SHC4: variants seen among roughly 807,000 people sequenced by gnomAD.
SHC4 encodes SHC-transforming protein 4.
In SHC4, 41 loss-of-function variants were observed where a neutral mutation model predicts 69.4. That is an observed-to-expected ratio of 0.59 (90% CI 0.46 to 0.77). SHC4 has a LOEUF of 0.77. SHC4 is among the 30% of genes least tolerant of loss of function. The probability of loss-of-function intolerance (pLI) is 0.00; values close to 1 mark genes in which losing one functional copy is unlikely to be tolerated. For missense variants in SHC4, 777 were observed against 783.8 expected, an observed-to-expected ratio of 0.99 and a Z score of 0.10; for synonymous variants, 318 against 299.3, an observed-to-expected ratio of 1.06 and a Z score of -0.64.
intron 2 of SHC4, among the ~76,000 whole-genome samples, chr15:48,906,889 A>G (rs1900414537): frequency 6.6e-6 from 1 of 152,228 alleles, no homozygotes; most frequent in Non-Finnish European, 1.5e-5. Context: ...TAAGGCTCAA[A>G]TCAAAGCAAT....
intron 11 of SHC4, among the ~76,000 whole-genome samples, chr15:48,826,922 G>C (rs1184928722): frequency 6.6e-6 from 1 of 152,174 alleles, no homozygotes; most frequent in Non-Finnish European, 1.5e-5. Context: ...CATAGTAGCT[G>C]ATTCACAGAT....
rs143049482 is a variant in SHC4 at position 48,828,222 on chromosome 15, C to T, written c.1738-2096G>A. On this transcript the variant is annotated intron_variant, in intron 11 of 11. Transcript: ENST00000332408. ...CAGTATTGTTAACTGTTAAGTACAA[C>T]GTTATACAGCAGATCTCTGGAACTT... Among the ~76,000 whole-genome samples the T allele has an allele frequency of 5.7e-4, 86 of 151,894 alleles. 3 individuals carry two copies. In the East Asian group the frequency reaches 0.016, roughly 28 times the overall value.
At chr15:48,861,272 C>A (rs1899435336) in intron 6 of SHC4, among the ~76,000 whole-genome samples, 1 of 152,150 alleles carries the variant, frequency 6.6e-6, no homozygotes, top group Non-Finnish European at 1.5e-5. Context: ...CTTGAGAAGA[C>A]TGGACAAAAA....
intron 1 of SHC4, among the ~76,000 whole-genome samples, chr15:48,926,566 A>C (rs936008062): frequency 1.3e-5 from 2 of 151,736 alleles, no homozygotes; most frequent in African/African-American, 4.8e-5. Flanking sequence ...AAATTCAAGC[A>C]ATTCTCCTGC....
chr15:48,877,359 A>C, intron 4 of SHC4: 1 of 767,676 alleles, frequency 1.3e-6, no homozygotes, highest in Non-Finnish European at 1.6e-6. Flanking sequence ...ATAGAAATAA[A>C]GTGCAGAATA....
At chr15:48,877,748 G>A in intron 4 of SHC4, 1 of 221,830 alleles carries the variant, frequency 4.5e-6, no homozygotes, top group Non-Finnish European at 7.7e-6. Context: ...TGTGGTTATG[G>A]ATGTTGTCTG....
Position 48,963,261 on chromosome 15 carries a change from C to T in SHC4, c.-246G>A. The T allele has an allele frequency of 2.2e-6, 1 of 464,716 alleles. No homozygotes were observed. Among genetic ancestry groups the T allele is most frequent in the Non-Finnish European group, 3.8e-6 (1 of 264,868 alleles). 28.8% of individuals were successfully genotyped at this position (464,716 alleles called of 1,614,324 possible). On this transcript the variant is annotated 5_prime_UTR_variant, in exon 1 of 12. Transcript: ENST00000332408. ...CAGGCAGAGGCACCAGTGTTCTCGCCTTGGAATCCTTGTCGGGAGAGCCTA... is the reference window on the plus strand; with the variant it reads ...CAGGCAGAGGCACCAGTGTTCTCGCTTTGGAATCCTTGTCGGGAGAGCCTA...
intron 2 of SHC4, among the ~76,000 whole-genome samples, chr15:48,894,917 G>A (rs1595748443): frequency 6.6e-6 from 1 of 152,108 alleles, no homozygotes; most frequent in East Asian, 1.9e-4. Context: ...CTCCCCTGTG[G>A]CTGGGACCAC....
At chr15:48,924,314 T>C (rs1337261191) in intron 2 of SHC4, among the ~76,000 whole-genome samples, 2 of 152,214 alleles carry the variant, frequency 1.3e-5, no homozygotes, top group Non-Finnish European at 2.9e-5. Context: ...TAATGAACCA[T>C]GCCTTGTATT....
At chr15:48,831,190 T>C (rs1205244817) in intron 11 of SHC4, among the ~76,000 whole-genome samples, 1 of 152,150 alleles carries the variant, frequency 6.6e-6, no homozygotes, top group African/African-American at 2.4e-5. Flanking sequence ...AAGATTAAAA[T>C]AATTTAAATG....
At chr15:48,857,631 C>T (rs4774526) in intron 7 of SHC4, 61 bp downstream of exon 7, 1,158,532 of 1,358,716 alleles carry the variant, frequency 0.85, 495,963 homozygotes, top group East Asian at 1. Context: ...CAAATAAATA[C>T]ATACAGATAA....
chr15:48,840,041 A>G (rs1243030265), intron 10 of SHC4, among the ~76,000 whole-genome samples: 1 of 152,186 alleles, frequency 6.6e-6, no homozygotes, highest in South Asian at 2.1e-4. Flanking sequence ...AAAGAAATAT[A>G]TATGTGCTCC....
intron 2 of SHC4, among the ~76,000 whole-genome samples, chr15:48,909,756 A>C (rs1900473718): frequency 6.6e-6 from 1 of 152,084 alleles, no homozygotes; most frequent in Admixed American, 6.6e-5. Context: ...TGAGAGTTTT[A>C]ATGATAAAGC....
chr15:48,945,504 G>A (rs1369225895), intron 1 of SHC4, among the ~76,000 whole-genome samples: 1 of 152,190 alleles, frequency 6.6e-6, no homozygotes, highest in African/African-American at 2.4e-5. Flanking sequence ...ACAAAATGTG[G>A]TATTGCCGTA....
intron 9 of SHC4, among the ~76,000 whole-genome samples, chr15:48,849,450 A>T (rs1319342611): frequency 6.6e-6 from 1 of 152,190 alleles, no homozygotes; most frequent in African/African-American, 2.4e-5. Flanking sequence ...CATTTGTTTA[A>T]GGTGTGTCTT....
At chr15:48,911,676 T>C (rs920399740) in intron 2 of SHC4, among the ~76,000 whole-genome samples, 8 of 152,154 alleles carry the variant, frequency 5.3e-5, no homozygotes, top group African/African-American at 1.7e-4. Flanking sequence ...AACTTGTATT[T>C]TTGTTTTATA....
intron 1 of SHC4, among the ~76,000 whole-genome samples, chr15:48,962,119 C>G (rs1324623662): frequency 6.6e-6 from 1 of 152,120 alleles, no homozygotes; most frequent in African/African-American, 2.4e-5. Context: ...ATACTAGGTC[C>G]AGCGGGGACA....
rs1418227634 is a variant in SHC4, at chr15:48,857,751, A to G, written c.1011T>C (p.Ala337=). The G allele has an allele frequency of 1.9e-6, 3 of 1,606,974 alleles. No individual in the cohort carries two copies. In the Admixed American group the frequency reaches 5.0e-5, roughly 27 times the overall value. ...AQDVISTIGQ[A]FELRFKQYLK... Reference sequence around the variant, plus strand: ...AGTACTGTTTAAACCGGAGTTCAAAAGCCTGCCCTATGGTACTTATGACGT... The same window carrying G: ...AGTACTGTTTAAACCGGAGTTCAAAGGCCTGCCCTATGGTACTTATGACGT... Residue 337 remains alanine (A), a synonymous_variant, in exon 7 of 12, where the codon GCT becomes GCC. Coordinates refer to ENST00000332408, the MANE Select transcript of SHC4 (RefSeq NM_203349.4).
rs1168253082 is a variant in SHC4 at position 48,864,699 on chromosome 15, G to A, written c.946+3119C>T. Reference sequence around the variant, plus strand: ...CCTGACCTCATGATCTGCCCGCCTCGGCCTCCCACAGTGCTGGGATTACAG... The same window carrying A: ...CCTGACCTCATGATCTGCCCGCCTCAGCCTCCCACAGTGCTGGGATTACAG... On this transcript the variant is annotated intron_variant, in intron 6 of 11. Transcript: ENST00000332408. Among the ~76,000 whole-genome samples, 6 of 151,808 alleles carry A rather than the reference G, an allele frequency of 4.0e-5. No homozygotes were observed. The South Asian group carries it at 6.2e-4, about 16-fold the overall frequency.
Sources: gnomAD v4.1 joint callset for allele counts (sites outside exome capture counted in the v4.1 genomes callset) on GRCh38, gnomAD v4.1.1 for gene constraint, MANE v1.5 for transcripts, NCBI Gene and HGNC (gene_info 2026-07-23, HGNC 2026-07-21) for gene names.